Variants in C16orf87 observed in about 807,000 individuals in gnomAD.
C16orf87 encodes the protein HDAC and MIER1 interacting protein 1, also known as UPF0547 protein C16orf87.
C16orf87 carries 13 observed loss-of-function variants against 21.0 expected under a neutral mutation model. The ratio of observed to expected loss-of-function variants is 0.62; its 90% confidence interval spans 0.40 to 0.98. The LOEUF (loss-of-function observed/expected upper bound fraction) is 0.98, where lower values mean the gene tolerates loss of function less well. Ranked by LOEUF, C16orf87 falls within the 50% of genes least tolerant of loss-of-function variation. The pLI, the probability that C16orf87 is intolerant of heterozygous loss-of-function variation, is 0.00. For missense variants in C16orf87, 113 were observed against 180.4 expected (o/e 0.63, Z 2.14); for synonymous variants, 49 against 60.2 (o/e 0.81, Z 0.86).
chr16:46,813,729 A>G (rs1968164670), intron 2 of C16orf87, among the ~76,000 whole-genome samples: 1 of 152,112 alleles, frequency 6.6e-6, no homozygotes, highest in Admixed American at 6.6e-5. Flanking sequence ...TTCTGCCTAG[A>G]GCTCTCTTCC....
intron 2 of C16orf87, among the ~76,000 whole-genome samples, chr16:46,824,000 T>C (rs927833026): frequency 5.3e-5 from 8 of 152,218 alleles, no homozygotes; most frequent in Non-Finnish European, 1.0e-4. Context: ...TGGTGATTGA[T>C]TGGTATATAC....
Position 46,804,167 on chromosome 16 carries a change from C to T in C16orf87, c.347-1097G>A, listed in dbSNP as rs144218469. Among the ~76,000 whole-genome samples the T allele has an allele frequency of 1.9e-4, 29 of 152,292 alleles. No homozygotes were observed. The East Asian group carries it at 2.1e-3, about 11-fold the overall frequency. ...TAAATTGTTTTTCAGGATGTTTACA[C>T]GTATCAGGTATTTTATCATTTTTAT... On this transcript the variant is annotated intron_variant, in intron 3 of 3. Coordinates refer to ENST00000285697, the MANE Select transcript of C16orf87 (RefSeq NM_001001436.4).
At chr16:46,809,205 G>A (rs1219089308) in intron 3 of C16orf87, among the ~76,000 whole-genome samples, 4 of 151,252 alleles carry the variant, frequency 2.6e-5, no homozygotes, top group East Asian at 1.9e-4. Flanking sequence ...GAGAATCACC[G>A]GAGCCCTGGA....
chr16:46,827,038 G>A (rs1313778950), intron 1 of C16orf87, among the ~76,000 whole-genome samples: 1 of 152,068 alleles, frequency 6.6e-6, no homozygotes, highest in Non-Finnish European at 1.5e-5. Flanking sequence ...TTGGCTTTGG[G>A]ACCCAGAATG....
At chr16:46,816,441 T>C (rs147835936) in intron 2 of C16orf87, among the ~76,000 whole-genome samples, 134 of 152,282 alleles carry the variant, frequency 8.8e-4, no homozygotes, top group Admixed American at 1.6e-3. Flanking sequence ...AAGAATAAAT[T>C]AGAAAACAAG....
intron 2 of C16orf87, among the ~76,000 whole-genome samples, chr16:46,816,101 G>A (rs1368138973): frequency 1.3e-5 from 2 of 152,172 alleles, no homozygotes. Context: ...GAAACCTTGA[G>A]GACACTGTGT....
chr16:46,824,339 T>C, intron 2 of C16orf87, 47 bp downstream of exon 2: 1 of 846,210 alleles, frequency 1.2e-6, no homozygotes, highest in Non-Finnish European at 1.9e-6. Context: ...AAATTAACTT[T>C]ACATTTCTAC....
At chr16:46,815,577 G>A (rs1041155784) in intron 2 of C16orf87, among the ~76,000 whole-genome samples, 1 of 152,010 alleles carries the variant, frequency 6.6e-6, no homozygotes, top group African/African-American at 2.4e-5. Flanking sequence ...TCAAGAATGG[G>A]CAGAAGACTT....
rs1057457137 is a variant in C16orf87, at chr16:46,825,875, T to C, written c.67-1393A>G. Among the ~76,000 whole-genome samples the C allele has an allele frequency of 3.3e-5, 5 of 150,380 alleles. No homozygotes were observed. The East Asian group carries it at 7.8e-4, about 24-fold the overall frequency. On this transcript the variant is annotated intron_variant, in intron 1 of 3. Transcript: ENST00000285697. Reference sequence around the variant, plus strand: ...GTTGCAGTGAGCCAAGAGTGCACTATTGCACTCTAGCCTGGGCAACATGAG... The same window carrying C: ...GTTGCAGTGAGCCAAGAGTGCACTACTGCACTCTAGCCTGGGCAACATGAG...
chr16:46,807,680 CAT>C (rs1240378743), intron 3 of C16orf87, among the ~76,000 whole-genome samples: 1 of 152,082 alleles, frequency 6.6e-6, no homozygotes, highest in Non-Finnish European at 1.5e-5. Context: ...TCATGGTCTA[CAT>C]AAGATTCCAG....
rs1266131604 is a variant in C16orf87, at chr16:46,809,789, T to C, written c.164-4A>G. On this transcript the variant is annotated splice_region_variant and splice_polypyrimidine_tract_variant and intron_variant, in intron 2 of 3. Transcript: ENST00000285697. ...CTCTTGGCCTCATGCTTGTTTTCTG[T>C]ATGGATGAATAAAAGTGATATATTT... is the stretch of plus-strand genomic sequence containing the variant. 3 of 1,580,734 alleles carry C rather than the reference T, an allele frequency of 1.9e-6. No individual in the cohort carries two copies. The highest frequency in any genetic ancestry group is 2.2e-5 in the South Asian group (2 of 89,036).
intron 3 of C16orf87, chr16:46,807,894 C>T (rs997000503): frequency 2.7e-6 from 1 of 367,636 alleles, no homozygotes; most frequent in Non-Finnish European, 5.3e-6. Context: ...ATATACAGTT[C>T]TACCACAAGT....
intron 2 of C16orf87, among the ~76,000 whole-genome samples, chr16:46,817,984 T>C (rs1014605491): frequency 1.3e-5 from 2 of 150,042 alleles, no homozygotes; most frequent in African/African-American, 2.5e-5. Flanking sequence ...TACAGGAATG[T>C]ACAGCACTTT....
At chr16:46,818,923 T>C (rs1959302046) in intron 2 of C16orf87, among the ~76,000 whole-genome samples, 1 of 152,250 alleles carries the variant, frequency 6.6e-6, no homozygotes, top group African/African-American at 2.4e-5. Flanking sequence ...ATCCTCTTCA[T>C]AGGGCATAGG....
At chr16:46,823,246 T>C (rs1040657898) in intron 2 of C16orf87, among the ~76,000 whole-genome samples, 7 of 152,212 alleles carry the variant, frequency 4.6e-5, no homozygotes, top group African/African-American at 1.7e-4. Context: ...ATTTGTTCAC[T>C]GTCTATCTCC....
chr16:46,806,282 G>A (rs202158068), intron 3 of C16orf87, among the ~76,000 whole-genome samples: 4 of 138,514 alleles, frequency 2.9e-5, no homozygotes, highest in Admixed American at 7.5e-5. Context: ...TTTTTGAGAC[G>A]GAGTCTCGCT....
intron 2 of C16orf87, among the ~76,000 whole-genome samples, chr16:46,817,407 C>G (rs1968281736): frequency 6.6e-6 from 1 of 151,992 alleles, no homozygotes; most frequent in Non-Finnish European, 1.5e-5. Context: ...AAGAGTGGTA[C>G]CAGGTGCAGT....
chr16:46,809,827 A>G (rs1254579476), intron 2 of C16orf87, 42 bp from the exon 3 acceptor site: 2 of 1,316,618 alleles, frequency 1.5e-6, no homozygotes, highest in East Asian at 4.6e-5. Context: ...GGGCTTAGCA[A>G]GAACTGTTTG....
intron 3 of C16orf87, among the ~76,000 whole-genome samples, chr16:46,804,955 T>C (rs1405582526): frequency 1.3e-5 from 2 of 152,244 alleles, no homozygotes; most frequent in Non-Finnish European, 1.5e-5. Context: ...TGCTGGGCAA[T>C]ATTGCATTGT....
Sources: allele counts gnomAD v4.1 joint callset (sites outside exome capture counted in the v4.1 genomes callset), GRCh38; gene constraint gnomAD v4.1.1; transcripts MANE v1.5; gene names NCBI Gene and HGNC (gene_info 2026-07-23, HGNC 2026-07-21).